The following CNTNAP2 variants were observed in gnomAD, a reference collection of about 807,000 sequenced individuals.
CNTNAP2 encodes contactin associated protein 2.
CNTNAP2 carries 98 observed loss-of-function variants against 155.2 expected under a neutral mutation model. The ratio of observed to expected loss-of-function variants is 0.63; its 90% CI spans 0.54 to 0.75. The LOEUF (loss-of-function observed/expected upper bound fraction) is 0.75. Ranked by LOEUF, CNTNAP2 falls within the 30% of genes least tolerant of loss-of-function variation. CNTNAP2 has a pLI of 0.00. For missense variants in CNTNAP2, 1,727 were observed against 1,688.1 expected, an observed-to-expected ratio of 1.02 and a Z score of -0.40; for synonymous variants, 651 against 631.2, an observed-to-expected ratio of 1.03 and a Z score of -0.47.
At chr7:147,565,565 A>G (rs1392803861) in intron 12 of CNTNAP2, among the ~76,000 whole-genome samples, 1 of 152,122 alleles carries the variant, frequency 6.6e-6, no homozygotes, top group African/African-American at 2.4e-5. Context: ...CCCTTGAACT[A>G]GGGTAGGGAT....
chr7:147,620,685 C>T (rs1801376661), intron 12 of CNTNAP2, among the ~76,000 whole-genome samples: 1 of 151,640 alleles, frequency 6.6e-6, no homozygotes, highest in African/African-American at 2.4e-5. Context: ...TTTGAAAATG[C>T]ACAGTCAGTG....
chr7:147,002,617 A>G, intron 3 of CNTNAP2, among the ~76,000 whole-genome samples: 1 of 151,996 alleles, frequency 6.6e-6, no homozygotes, highest in Non-Finnish European at 1.5e-5. Context: ...AATACCATAA[A>G]CTATCAATAA....
intron 1 of CNTNAP2, among the ~76,000 whole-genome samples, chr7:146,625,181 G>C (rs553557686): frequency 6.6e-4 from 100 of 152,004 alleles, no homozygotes; most frequent in African/African-American, 2.3e-3. Context: ...TGACACATAT[G>C]GTCAGAGAGG....
At chr7:146,892,056 C>T (rs1307765124) in intron 3 of CNTNAP2, among the ~76,000 whole-genome samples, 1 of 152,092 alleles carries the variant, frequency 6.6e-6, no homozygotes, top group African/African-American at 2.4e-5. Context: ...ATTTATTTTA[C>T]TCATGAATTT....
chr7:147,940,858 A>T (rs1487078087), intron 14 of CNTNAP2, among the ~76,000 whole-genome samples: 1 of 152,076 alleles, frequency 6.6e-6, no homozygotes, highest in African/African-American at 2.4e-5. Flanking sequence ...CTTTTAGAAA[A>T]CCCCATCAAA....
intron 8 of CNTNAP2, among the ~76,000 whole-genome samples, chr7:147,220,032 G>C (rs551333777): frequency 1.4e-5 from 2 of 146,554 alleles, no homozygotes; most frequent in South Asian, 4.3e-4. Flanking sequence ...CTCGTGATCT[G>C]CCTGCCTCTG....
chr7:147,631,628 T>C (rs914574593), intron 12 of CNTNAP2, among the ~76,000 whole-genome samples: 2 of 152,060 alleles, frequency 1.3e-5, no homozygotes, highest in East Asian at 3.9e-4. Flanking sequence ...GGTGTAAAAA[T>C]AGGCAAGTAG....
rs969875280 is a variant in CNTNAP2 at position 146,304,414 on chromosome 7, T to A, written c.97+187441T>A. Among the ~76,000 whole-genome samples, 7 of 152,114 alleles carry A rather than the reference T, an allele frequency of 4.6e-5. 1 individual carries two copies. Among genetic ancestry groups the A allele is most frequent in the Non-Finnish European group, 1.0e-4 (7 of 68,008 alleles). On this transcript the variant is annotated intron_variant, in intron 1 of 23. Transcript: ENST00000361727. ...TCATTGCAGTGGCTGGTACCGGTTG[T>A]TCCTTTCCATGTTTAGTGCTTCCTT...
chr7:146,176,602 T>G (rs999894763), intron 1 of CNTNAP2, among the ~76,000 whole-genome samples: 1 of 152,260 alleles, frequency 6.6e-6, no homozygotes, highest in South Asian at 2.1e-4. Flanking sequence ...TCTGCTTCAG[T>G]TCATCTCTGA....
At chr7:147,671,350 C>T (rs1028169241) in intron 13 of CNTNAP2, among the ~76,000 whole-genome samples, 3 of 152,118 alleles carry the variant, frequency 2.0e-5, no homozygotes, top group African/African-American at 7.2e-5. Flanking sequence ...TAGAGGAGGA[C>T]CGGACACAGG....
intron 13 of CNTNAP2, among the ~76,000 whole-genome samples, chr7:147,771,737 A>C (rs2116536535): frequency 6.6e-6 from 1 of 152,270 alleles, no homozygotes; most frequent in African/African-American, 2.4e-5. Flanking sequence ...TTCAAGTCAG[A>C]TGCGGTCTTA....
intron 1 of CNTNAP2, among the ~76,000 whole-genome samples, chr7:146,601,604 A>G (rs2129151832): frequency 6.6e-6 from 1 of 152,274 alleles, no homozygotes; most frequent in Admixed American, 6.5e-5. Flanking sequence ...TGAACAAAAT[A>G]AGCTTATTTT....
intron 15 of CNTNAP2, among the ~76,000 whole-genome samples, chr7:148,023,223 C>T (rs1162838019): frequency 6.6e-6 from 1 of 152,140 alleles, no homozygotes; most frequent in Admixed American, 6.5e-5. Context: ...TTGAGCGATG[C>T]ACAAAATACA....
rs972004349 is a variant in CNTNAP2 at position 146,537,397 on chromosome 7, G to A, written c.98-236874G>A. Among the ~76,000 whole-genome samples the A allele has an allele frequency of 1.5e-4, 22 of 151,648 alleles. 1 individual carries two copies. Among genetic ancestry groups the A allele is most frequent in the African/African-American group, 2.4e-5 (1 of 41,260 alleles). On this transcript the variant is annotated intron_variant, in intron 1 of 23. Transcript: ENST00000361727. ...ACATATAATTTCTTTCTTTATTCTG[G>A]CAACATCCTTATTTACTTACTAAGT...
chr7:147,520,439 A>G (rs1799211805), intron 11 of CNTNAP2, among the ~76,000 whole-genome samples: 5 of 152,212 alleles, frequency 3.3e-5, no homozygotes, highest in Admixed American at 3.3e-4. Flanking sequence ...TATGCTTTCA[A>G]GGAAGCTCTA....
At chr7:146,224,770 AAAACAAAC>A (rs1019440713) in intron 1 of CNTNAP2, among the ~76,000 whole-genome samples, 1 of 152,146 alleles carries the variant, frequency 6.6e-6, no homozygotes, top group African/African-American at 2.4e-5. Flanking sequence ...CTCCGTCTCA[AAAACAAAC>A]AAACAAACAA....
Position 146,165,744 on chromosome 7 carries a change from T to G in CNTNAP2, c.97+48771T>G, listed in dbSNP as rs549649437. ...GAATACATAAAAACTTTATGTGAGA[T>G]AGATACAGCATAAAACAAAAGTTAG... On this transcript the variant is annotated intron_variant, in intron 1 of 23. Transcript: ENST00000361727. Among the ~76,000 whole-genome samples the G allele has an allele frequency of 3.3e-5, 5 of 152,300 alleles. No individual in the cohort carries two copies. The East Asian group carries it at 9.7e-4, about 29-fold the overall frequency.
intron 1 of CNTNAP2, among the ~76,000 whole-genome samples, chr7:146,146,309 G>A (rs1220794302): frequency 1.3e-5 from 2 of 151,810 alleles, no homozygotes; most frequent in Non-Finnish European, 2.9e-5. Context: ...TTCATTAAGG[G>A]CTGAATATTA....
In CNTNAP2 at chr7:147,633,069, C is replaced by T. The variant is rs532835347; in HGVS notation, c.1898-6037C>T. ...GCAGAAATTTGCACAAGCAGCCCAT[C>T]CCATCACAGGCCCAGAGGCCTAGGA... On this transcript the variant is annotated intron_variant, in intron 12 of 23. Transcript: ENST00000361727. Among the ~76,000 whole-genome samples, 6 of 152,346 alleles carry T rather than the reference C, an allele frequency of 3.9e-5. 1 individual carries two copies. In the South Asian group the frequency reaches 1.2e-3, roughly 32 times the overall value.
Sources: allele counts gnomAD v4.1 joint callset (sites outside exome capture counted in the v4.1 genomes callset), GRCh38; gene constraint gnomAD v4.1.1; transcripts MANE v1.5; gene names NCBI Gene and HGNC (gene_info 2026-07-23, HGNC 2026-07-21).